ARHGAP15: variants seen among roughly 807,000 people sequenced by gnomAD.
The protein encoded by ARHGAP15 is rho GTPase-activating protein 15.
A neutral mutation model predicts 63.7 loss-of-function variants in ARHGAP15; 51 were observed. The observed-to-expected ratio is 0.80, with a 90% CI of 0.64 to 1.01. The LOEUF is 1.01. ARHGAP15 is among the 50% of genes least tolerant of loss of function. The pLI, the probability that ARHGAP15 is intolerant of heterozygous loss-of-function variation, is 0.00. For missense variants in ARHGAP15, 560 were observed against 564.6 expected (o/e 0.99, Z 0.08); for synonymous variants, 191 against 193.8 (o/e 0.99, Z 0.12).
chr2:143,632,395 G>A (rs1030518430), intron 12 of ARHGAP15, among the ~76,000 whole-genome samples: 1 of 151,912 alleles, frequency 6.6e-6, no homozygotes, highest in Non-Finnish European at 1.5e-5. Context: ...CAGAGATTAG[G>A]CAAGTCGGTG....
intron 11 of ARHGAP15, among the ~76,000 whole-genome samples, chr2:143,610,262 A>AT (rs1639735218): frequency 6.6e-6 from 1 of 152,168 alleles, no homozygotes; most frequent in Non-Finnish European, 1.5e-5. Context: ...AAGTTTATTC[A>AT]ATGCCTTATC....
intron 6 of ARHGAP15, among the ~76,000 whole-genome samples, chr2:143,398,857 C>T: frequency 6.6e-6 from 1 of 151,124 alleles, no homozygotes; most frequent in East Asian, 1.9e-4. Context: ...AACACAGCTT[C>T]AATACTAAAC....
At chr2:143,437,183 G>A in intron 8 of ARHGAP15, 141 bp downstream of exon 8, 1 of 903,976 alleles carries the variant, frequency 1.1e-6, no homozygotes, top group Non-Finnish European at 1.6e-6. Flanking sequence ...AGGGATTTGT[G>A]CACTGGAGGG....
chr2:143,222,158 T>G (rs370549865), intron 4 of ARHGAP15, among the ~76,000 whole-genome samples: 24 of 152,340 alleles, frequency 1.6e-4, no homozygotes, highest in African/African-American at 5.5e-4. Flanking sequence ...ATGCTTAGAA[T>G]ATGAGACAGA....
rs112141944 is a variant in ARHGAP15, at chr2:143,493,057, C to CAAA, written c.826+5569_826+5571dup. The stretch of plus-strand genomic sequence containing the variant: ...TGGGCGACAGAGCGAGACTCTGTCT[C>CAAA]AAAAAAAAACAAAAAAAACCATCAA... On this transcript the variant is annotated intron_variant, in intron 9 of 13. Coordinates refer to ENST00000295095, the MANE Select transcript of ARHGAP15 (RefSeq NM_018460.4). Among the ~76,000 whole-genome samples, 1,397 of 148,088 alleles carry CAAA rather than the reference C, an allele frequency of 9.4e-3. 16 individuals are homozygous for CAAA. Among genetic ancestry groups the CAAA allele is most frequent in the Admixed American group, 0.013 (192 of 14,954 alleles).
At chr2:143,191,917 G>GA (rs1304332397) in intron 2 of ARHGAP15, among the ~76,000 whole-genome samples, 2 of 151,948 alleles carry the variant, frequency 1.3e-5, no homozygotes, top group Non-Finnish European at 2.9e-5. Context: ...TTTTTTGACA[G>GA]AAAAAAATGG....
intron 13 of ARHGAP15, among the ~76,000 whole-genome samples, chr2:143,739,172 G>T (rs1685867623): frequency 1.3e-5 from 2 of 152,018 alleles, no homozygotes; most frequent in Admixed American, 6.6e-5. Flanking sequence ...TGTGCTTAGG[G>T]GCAAACAGTG....
At chr2:143,499,226 G>C (rs752167974) in intron 9 of ARHGAP15, among the ~76,000 whole-genome samples, 1 of 152,152 alleles carries the variant, frequency 6.6e-6, no homozygotes, top group Non-Finnish European at 1.5e-5. Context: ...GTCTGTGTTT[G>C]ATGTATGGTT....
intron 13 of ARHGAP15, among the ~76,000 whole-genome samples, chr2:143,767,483 C>G (rs905084380): frequency 6.6e-6 from 1 of 152,218 alleles, no homozygotes; most frequent in African/African-American, 2.4e-5. Flanking sequence ...CAAACTGTCT[C>G]AGAGCTTATC....
intron 6 of ARHGAP15, among the ~76,000 whole-genome samples, chr2:143,302,450 T>C (rs1024346789): frequency 2.0e-5 from 3 of 152,064 alleles, no homozygotes; most frequent in Non-Finnish European, 2.9e-5. Flanking sequence ...TTTATATCCT[T>C]TTTGAAAATT....
At chr2:143,453,160 G>A (rs1359753090) in intron 8 of ARHGAP15, among the ~76,000 whole-genome samples, 1 of 151,846 alleles carries the variant, frequency 6.6e-6, no homozygotes, top group Non-Finnish European at 1.5e-5. Context: ...AGTGACTGAG[G>A]CACTGAAAGG....
intron 10 of ARHGAP15, among the ~76,000 whole-genome samples, chr2:143,542,906 CATATG>C (rs1559040852): frequency 1.4e-5 from 2 of 144,850 alleles, no homozygotes; most frequent in African/African-American, 5.1e-5. Flanking sequence ...TATATAATAA[CATATG>C]ATATATATAA....
intron 13 of ARHGAP15, among the ~76,000 whole-genome samples, chr2:143,738,078 G>A (rs1444450116): frequency 6.6e-6 from 1 of 152,122 alleles, no homozygotes; most frequent in Non-Finnish European, 1.5e-5. Context: ...CCACAAACCT[G>A]AGAAGCATCG....
chr2:143,451,005 A>G (rs1202732163), intron 8 of ARHGAP15, among the ~76,000 whole-genome samples: 2 of 151,972 alleles, frequency 1.3e-5, no homozygotes, highest in Admixed American at 6.6e-5. Context: ...TTGCTTTGAA[A>G]TATTCACCTC....
chr2:143,545,987 C>G (rs958926323), intron 10 of ARHGAP15, among the ~76,000 whole-genome samples: 2 of 152,154 alleles, frequency 1.3e-5, no homozygotes, highest in African/African-American at 4.8e-5. Context: ...AAGTGTTTTG[C>G]TGAAAGGCTA....
intron 11 of ARHGAP15, among the ~76,000 whole-genome samples, chr2:143,614,394 G>C (rs2105223751): frequency 6.6e-6 from 1 of 152,214 alleles, no homozygotes; most frequent in South Asian, 2.1e-4. Context: ...GCTATAACAT[G>C]CCTAGCACAA....
chr2:143,666,355 T>C (rs1436616938), intron 12 of ARHGAP15, among the ~76,000 whole-genome samples: 7 of 152,144 alleles, frequency 4.6e-5, no homozygotes, highest in Non-Finnish European at 8.8e-5. Context: ...CTGGGATAAC[T>C]GGCTAGCCAT....
At chr2:143,188,128 T>C (rs866793228) in intron 2 of ARHGAP15, among the ~76,000 whole-genome samples, 1 of 152,166 alleles carries the variant, frequency 6.6e-6, no homozygotes, top group African/African-American at 2.4e-5. Context: ...TTATCTGTTC[T>C]AGGCATTATG....
chr2:143,437,360 C>T (rs1689658302), intron 8 of ARHGAP15: 1 of 250,940 alleles, frequency 4.0e-6, no homozygotes, highest in South Asian at 5.3e-5. Context: ...GCATCTCCAA[C>T]CCTGGTATCC....
Sources: allele counts gnomAD v4.1 joint callset (sites outside exome capture counted in the v4.1 genomes callset), GRCh38; gene constraint gnomAD v4.1.1; transcripts MANE v1.5; gene names NCBI Gene and HGNC (gene_info 2026-07-23, HGNC 2026-07-21).